Variants in CBLB observed in about 807,000 individuals in gnomAD.
CBLB encodes the protein Cbl proto-oncogene B, also known as E3 ubiquitin-protein ligase CBL-B.
A neutral mutation model predicts 104.9 loss-of-function variants in CBLB; 31 were observed. The ratio of observed to expected loss-of-function variants is 0.30; its 90% CI spans 0.22 to 0.40. The LOEUF (loss-of-function observed/expected upper bound fraction) is 0.40. Ranked by LOEUF, CBLB falls within the 10% of genes least tolerant of loss-of-function variation. CBLB has a pLI of 1.00. For synonymous variants in CBLB, 440 were observed against 422.6 expected, an observed-to-expected ratio of 1.04 and a Z score of -0.51; for missense variants, 1,062 against 1,214.6, an observed-to-expected ratio of 0.87 and a Z score of 1.87.
intron 3 of CBLB, among the ~76,000 whole-genome samples, chr3:105,852,363 G>T (rs1313008424): frequency 6.6e-6 from 1 of 152,068 alleles, no homozygotes. Context: ...GCTAATGTGT[G>T]TGTTTGTGTC....
chr3:105,857,856 G>GA (rs1424650721), intron 2 of CBLB, among the ~76,000 whole-genome samples: 20 of 152,252 alleles, frequency 1.3e-4, no homozygotes, highest in Admixed American at 1.2e-3. Context: ...AATTACAGGA[G>GA]AATTTAGTGC....
In CBLB at chr3:105,860,958, C is replaced by A. The variant is rs532580212; in HGVS notation, c.168+6452G>T. 3.3e-5 allele frequency among the ~76,000 whole-genome samples: 5 copies of A among 152,116 alleles called. No individual in the cohort carries two copies. The East Asian group carries it at 7.7e-4, about 23-fold the overall frequency. On this transcript the variant is annotated intron_variant, in intron 2 of 18. Transcript: ENST00000394030. Reference sequence around the variant, plus strand: ...GTAGGGCTTTAATATTTTTTTAAATCTTTTAACAGGTAGAATATTATAACT... The same window carrying A: ...GTAGGGCTTTAATATTTTTTTAAATATTTTAACAGGTAGAATATTATAACT...
intron 3 of CBLB, among the ~76,000 whole-genome samples, chr3:105,837,687 A>C (rs2153089044): frequency 6.6e-6 from 1 of 152,334 alleles, no homozygotes; most frequent in South Asian, 2.1e-4. Flanking sequence ...CTATTTTGAG[A>C]ATACATACAG....
intron 17 of CBLB, among the ~76,000 whole-genome samples, chr3:105,677,854 A>G (rs1047261611): frequency 6.7e-6 from 1 of 150,366 alleles, no homozygotes; most frequent in Non-Finnish European, 1.5e-5. Context: ...AATAGTTACT[A>G]AGAAAAAATT....
chr3:105,681,871 A>G lies in CBLB; in HGVS notation c.2202-53T>C. On this transcript the variant is annotated intron_variant, in intron 14 of 18. Coordinates refer to ENST00000394030, the MANE Select transcript of CBLB (RefSeq NM_170662.5). ...ATAAGGAGAATACTTTCCAATTAAAAGTAACTTGAGAGGTAGAGGGAACTA... is the reference window on the plus strand; with the variant it reads ...ATAAGGAGAATACTTTCCAATTAAAGGTAACTTGAGAGGTAGAGGGAACTA... 3.8e-6 allele frequency: 4 copies of G among 1,046,618 alleles called. No homozygotes were observed. The South Asian group carries it at 5.0e-5, about 13-fold the overall frequency. 64.8% of individuals were successfully genotyped at this position (1,046,618 alleles called of 1,614,324 possible).
chr3:105,838,068 T>C (rs1186874088), intron 3 of CBLB, among the ~76,000 whole-genome samples: 1 of 127,860 alleles, frequency 7.8e-6, no homozygotes, highest in East Asian at 2.4e-4. Context: ...TATTACCTTT[T>C]TTTTTCCTTT....
At chr3:105,724,282 T>G (rs1368505108) in intron 9 of CBLB, 2 of 157,110 alleles carry the variant, frequency 1.3e-5, no homozygotes, top group African/African-American at 4.8e-5. Flanking sequence ...TTCTGGTTTA[T>G]TATGATGGAC....
At chr3:105,779,559 C>T (rs929327637) in intron 3 of CBLB, among the ~76,000 whole-genome samples, 5 of 152,000 alleles carry the variant, frequency 3.3e-5, no homozygotes, top group African/African-American at 1.2e-4. Context: ...TACACTCACA[C>T]ACACTCCATA....
intron 5 of CBLB, among the ~76,000 whole-genome samples, chr3:105,750,452 T>C (rs981960684): frequency 1.3e-5 from 2 of 152,204 alleles, no homozygotes; most frequent in African/African-American, 4.8e-5. Context: ...GAATCAATGT[T>C]ACTTCAGATT....
At chr3:105,823,396 A>C (rs1431339375) in intron 3 of CBLB, among the ~76,000 whole-genome samples, 2 of 152,088 alleles carry the variant, frequency 1.3e-5, no homozygotes, top group Non-Finnish European at 2.9e-5. Context: ...CTGAACCATT[A>C]TTTCTCTTGC....
intron 4 of CBLB, among the ~76,000 whole-genome samples, chr3:105,766,414 A>G (rs559465618): frequency 9.8e-5 from 15 of 152,348 alleles, no homozygotes; most frequent in African/African-American, 3.6e-4. Context: ...GTAAAATATT[A>G]TCAAACAGCA....
At chr3:105,674,710 A>G (rs969812968) in intron 17 of CBLB, among the ~76,000 whole-genome samples, 1 of 152,174 alleles carries the variant, frequency 6.6e-6, no homozygotes, top group Admixed American at 6.5e-5. Context: ...GCACATATAC[A>G]CTAGTGGTAG....
At chr3:105,743,477 A>T (rs1415031639) in intron 6 of CBLB, among the ~76,000 whole-genome samples, 5 of 147,492 alleles carry the variant, frequency 3.4e-5, no homozygotes, top group East Asian at 2.0e-4. Flanking sequence ...AAAAAAAATT[A>T]AAAAAAAATA....
chr3:105,726,141 G>A (rs1289966172), intron 9 of CBLB, among the ~76,000 whole-genome samples: 2 of 152,028 alleles, frequency 1.3e-5, no homozygotes, highest in African/African-American at 4.8e-5. Context: ...GAGCAACCGC[G>A]CCTGGCCAAA....
rs777584491 is a variant in CBLB, at chr3:105,743,486, T to A, written c.845+2431A>T. 2.7e-3 allele frequency among the ~76,000 whole-genome samples: 401 copies of A among 150,402 alleles called. 3 individuals carry two copies. Among genetic ancestry groups the A allele is most frequent in the Non-Finnish European group, 4.2e-3 (283 of 67,596 alleles). On this transcript the variant is annotated intron_variant, in intron 6 of 18. Coordinates refer to ENST00000394030, the MANE Select transcript of CBLB (RefSeq NM_170662.5). ...AAAAAAAAAAAAAATTAAAAAAAAA[T>A]ATATATATGCATATAAAATGAAGTA...
At chr3:105,822,511 C>T (rs1483300151) in intron 3 of CBLB, among the ~76,000 whole-genome samples, 4 of 152,140 alleles carry the variant, frequency 2.6e-5, no homozygotes, top group African/African-American at 9.7e-5. Flanking sequence ...CACTCAGTTA[C>T]ATTTGCTGGG....
At chr3:105,738,936 G>T (rs988665856) in intron 7 of CBLB, among the ~76,000 whole-genome samples, 19 of 152,112 alleles carry the variant, frequency 1.2e-4, no homozygotes, top group Admixed American at 1.2e-3. Context: ...TTCAGATAAG[G>T]TCTCACTCTG....
At chr3:105,725,579 C>G (rs2073488342) in intron 9 of CBLB, among the ~76,000 whole-genome samples, 1 of 152,130 alleles carries the variant, frequency 6.6e-6, no homozygotes, top group Admixed American at 6.5e-5. Context: ...GTGCATCGCT[C>G]TAGTTCATAA....
In CBLB at chr3:105,703,890, A is replaced by G. The variant is rs16851479; in HGVS notation, c.1593+98T>C. ...AACTCATCAAACTTATTCACAATTAAAAGCAAAAAAATATGAGTAATGGAA... is the reference window on the plus strand; with the variant it reads ...AACTCATCAAACTTATTCACAATTAGAAGCAAAAAAATATGAGTAATGGAA... On this transcript the variant is annotated intron_variant, in intron 11 of 18. Coordinates refer to ENST00000394030, the MANE Select transcript of CBLB (RefSeq NM_170662.5). The G allele has an allele frequency of 3.2e-3, 3,651 of 1,149,136 alleles. 99 individuals are homozygous for G. In the Admixed American group the frequency reaches 0.05, roughly 16 times the overall value. 71.2% of individuals were successfully genotyped at this position (1,149,136 alleles called of 1,614,324 possible).
Sources: gnomAD v4.1 joint callset for allele counts (sites outside exome capture counted in the v4.1 genomes callset) on GRCh38, gnomAD v4.1.1 for gene constraint, MANE v1.5 for transcripts, NCBI Gene and HGNC (gene_info 2026-07-23, HGNC 2026-07-21) for gene names.